The following KIF3A variants were observed in gnomAD, a reference collection of about 807,000 sequenced individuals.
KIF3A encodes the protein kinesin-like protein KIF3A.
KIF3A carries 27 observed loss-of-function variants against 92.6 expected under a neutral mutation model. That is an observed-to-expected ratio of 0.29 (90% confidence interval 0.21 to 0.40). KIF3A has a LOEUF of 0.40. Among genes scored for constraint, KIF3A ranks in the 10% least tolerant of loss-of-function variants. The pLI is 1.00. For synonymous variants in KIF3A, 250 were observed against 275.4 expected, an observed-to-expected ratio of 0.91 and a Z score of 0.92; for missense variants, 581 against 872.6, an observed-to-expected ratio of 0.67 and a Z score of 4.21.
At chr5:132,736,275 T>C (rs1176003402) in intron 1 of KIF3A, among the ~76,000 whole-genome samples, 1 of 152,218 alleles carries the variant, frequency 6.6e-6, no homozygotes, top group Non-Finnish European at 1.5e-5. Context: ...GTTGCTAAAA[T>C]TGAGAAATTT....
rs1754448614 is a variant in KIF3A, at chr5:132,737,539, G to C, written c.-120C>G. 3.3e-6 allele frequency: 4 copies of C among 1,200,886 alleles called. No individual in the cohort carries two copies. In the East Asian group the frequency reaches 9.0e-5, roughly 27 times the overall value. The allele number at this position is 1,200,886 out of a possible 1,614,324, so 74.4% of individuals were successfully genotyped here. A position where few individuals can be genotyped will look rare whatever the true frequency, so the allele number is the denominator to read the frequency against. On this transcript the variant is annotated 5_prime_UTR_variant, in exon 1 of 19. Transcript: ENST00000403231. ...ACCTCGTTGACGCTCTCGAGACTGC[G>C]GCTTCTCGGGCGAGAGCGCCCAGTG...
intron 2 of KIF3A, among the ~76,000 whole-genome samples, chr5:132,732,308 C>G (rs1327522664): frequency 6.6e-6 from 1 of 152,146 alleles, no homozygotes; most frequent in Non-Finnish European, 1.5e-5. Context: ...TAATTCCACT[C>G]TTAGGTATAT....
At position 132,726,088 on chromosome 5, in the gene KIF3A, G is replaced by A. The variant is rs190944473; in HGVS notation, c.510+40C>T. The A allele has an allele frequency of 9.9e-6, 14 of 1,416,870 alleles. 1 individual carries two copies. The Admixed American group carries it at 2.6e-4, about 27-fold the overall frequency. The allele number at this position is 1,416,870 out of a possible 1,614,324, so 87.8% of individuals were successfully genotyped here. On this transcript the variant is annotated intron_variant, in intron 4 of 18. Transcript: ENST00000403231. ...ACCTTAATTTAGCAAATATTCTATT[G>A]CTTTGGAAAAAGTACTCCACCAATT... is the stretch of plus-strand genomic sequence containing the variant.
rs899239312 is a variant in KIF3A at position 132,703,628 on chromosome 5, A to T, written c.1310-9T>A. 1.1e-5 allele frequency: 18 copies of T among 1,586,968 alleles called. No individual in the cohort carries two copies. In the Admixed American group the frequency reaches 1.4e-4, roughly 13 times the overall value. On this transcript the variant is annotated splice_polypyrimidine_tract_variant and intron_variant, in intron 11 of 18. Transcript: ENST00000403231. ...GGAGACTTTCTTTTTTCCTATTTGA[A>T]TCATTTAATTGCAACAATCACTAAA...
intron 1 of KIF3A, among the ~76,000 whole-genome samples, chr5:132,735,158 T>A (rs897924028): frequency 5.2e-4 from 79 of 152,262 alleles, no homozygotes; most frequent in African/African-American, 1.8e-3. Context: ...CACTGCAACC[T>A]CTGCCTCCCA....
chr5:132,699,040 G>A, intron 18 of KIF3A, 131 bp downstream of exon 18: 1 of 949,670 alleles, frequency 1.1e-6, no homozygotes, highest in East Asian at 2.6e-5. Flanking sequence ...GCCCAGCCAG[G>A]AATTTGATTT....
chr5:132,719,943 G>T (rs1753770895), intron 5 of KIF3A, among the ~76,000 whole-genome samples: 1 of 152,054 alleles, frequency 6.6e-6, no homozygotes, highest in African/African-American at 2.4e-5. Flanking sequence ...TGCTTTTCTT[G>T]TCAACAAAAG....
At chr5:132,718,493 A>G (rs570903033) in intron 5 of KIF3A, among the ~76,000 whole-genome samples, 1 of 152,302 alleles carries the variant, frequency 6.6e-6, no homozygotes, top group South Asian at 2.1e-4. Context: ...TATTTTTAGC[A>G]GAGACGAGGT....
rs139191778 is a variant in KIF3A, at chr5:132,696,678, G to A, written c.2137C>T (p.Arg713Cys). 20 of 1,608,716 alleles carry A rather than the reference G, an allele frequency of 1.2e-5. No individual in the cohort carries two copies. The highest frequency in any genetic ancestry group is 6.7e-5 in the African/African-American group (5 of 74,800). The change falls in exon 19 of 19, where the codon CGT becomes TGT. Residue 713 changes from arginine to cysteine, a missense_variant. Coordinates refer to ENST00000403231, the MANE Select transcript of KIF3A (RefSeq NM_001300791.2). The stretch of plus-strand genomic sequence containing the variant: ...ATTACAGTTTCAGGCTTTGCAGAAC[G>A]CTTTCTGTTTGGAGAAGAAAAAAAG... ...KARPKTGRRK[R>C]SAKPETVIDS...
chr5:132,711,069 A>AT lies in KIF3A; in HGVS notation c.1130-13dup. On this transcript the variant is annotated splice_polypyrimidine_tract_variant and intron_variant, in intron 8 of 18. Transcript: ENST00000403231. The stretch of plus-strand genomic sequence containing the variant: ...TGATATTTCTTCTCCTTGGACAGAA[A>AT]TTTAATACAATGTTTTTTATCCTGT... 2 of 1,608,144 alleles carry AT rather than the reference A, an allele frequency of 1.2e-6. No individual in the cohort carries two copies. The highest frequency in any genetic ancestry group is 1.7e-6 in the Non-Finnish European group (2 of 1,174,634).
intron 9 of KIF3A, 31 bp from the exon 10 acceptor site, chr5:132,709,009 A>C: frequency 6.7e-7 from 1 of 1,498,106 alleles, no homozygotes; most frequent in Non-Finnish European, 9.1e-7. Context: ...CCCAACAGGA[A>C]CCAAAGAAAG....
At chr5:132,716,521 T>A in intron 6 of KIF3A, 79 bp from the exon 7 acceptor site, 1 of 1,227,922 alleles carries the variant, frequency 8.1e-7, no homozygotes, top group Non-Finnish European at 1.1e-6. Context: ...TATTAAAAAG[T>A]AATGTAACAG....
At chr5:132,692,347 A>G (rs1317541034), downstream of KIF3A, 1 of 152,238 alleles carries the variant, frequency 6.6e-6, no homozygotes, top group African/African-American at 2.4e-5. Flanking sequence ...GTGATGAAAT[A>G]ATCTGTACAA....
In KIF3A at chr5:132,721,896, C is replaced by T. The variant is rs551592107; in HGVS notation, c.511-1182G>A. ...ATGAATTTTACACATTGAGCTTCCA[C>T]ATAAGGTTTGGTTTGATGAAAGTGT... On this transcript the variant is annotated intron_variant, in intron 4 of 18. Transcript: ENST00000403231. Among the ~76,000 whole-genome samples the T allele has an allele frequency of 4.6e-5, 7 of 152,206 alleles. No individual in the cohort carries two copies. In the East Asian group the frequency reaches 5.8e-4, roughly 13 times the overall value.
At chr5:132,710,934 A>T (rs746867700) in intron 9 of KIF3A, 25 bp downstream of exon 9, 5 of 1,613,572 alleles carry the variant, frequency 3.1e-6, no homozygotes. Flanking sequence ...AATTTCTACA[A>T]ATCAGATTAC....
chr5:132,703,388 A>G, intron 12 of KIF3A, 75 bp downstream of exon 12: 1 of 1,310,818 alleles, frequency 7.6e-7, no homozygotes, highest in East Asian at 2.3e-5. Context: ...TTACTATTCA[A>G]TTTTCCTATT....
rs750889429 is a variant in KIF3A at position 132,726,339 on chromosome 5, A to T, written c.425+15T>A. ...GTACTTCTCAATATCAGAAAATAAA[A>T]GAATTCCCTTTTACCTTGTATCACC... On this transcript the variant is annotated intron_variant, in intron 3 of 18. Coordinates refer to ENST00000403231, the MANE Select transcript of KIF3A (RefSeq NM_001300791.2). 6.2e-7 allele frequency: 1 copy of T among 1,612,428 alleles called. No individual in the cohort carries two copies. The highest frequency in any genetic ancestry group is 1.1e-5 in the South Asian group (1 of 90,944).
rs570301224 is a variant in KIF3A at position 132,703,698 on chromosome 5, A to G, written c.1310-79T>C. The G allele has an allele frequency of 9.2e-5, 91 of 988,316 alleles. 1 individual carries two copies. In the South Asian group the frequency reaches 1.3e-3, roughly 14 times the overall value. 61.2% of individuals were successfully genotyped at this position (988,316 alleles called of 1,614,324 possible). Reference sequence around the variant, plus strand: ...TTATATAAATTACCTCCTTCAATATAGAAATGCCTACACTCCTCAATAATA... The same window carrying G: ...TTATATAAATTACCTCCTTCAATATGGAAATGCCTACACTCCTCAATAATA... On this transcript the variant is annotated intron_variant, in intron 11 of 18. Coordinates refer to ENST00000403231, the MANE Select transcript of KIF3A (RefSeq NM_001300791.2).
At chr5:132,731,648 T>TA (rs1451087228) in intron 2 of KIF3A, among the ~76,000 whole-genome samples, 1 of 151,856 alleles carries the variant, frequency 6.6e-6, no homozygotes, top group Non-Finnish European at 1.5e-5. Context: ...TGCTATCAGG[T>TA]AACAAAAATA....
Sources: allele counts gnomAD v4.1 joint callset (sites outside exome capture counted in the v4.1 genomes callset), GRCh38; gene constraint gnomAD v4.1.1; transcripts MANE v1.5; gene names NCBI Gene and HGNC (gene_info 2026-07-23, HGNC 2026-07-21).